The following RBFOX1 variants were observed in gnomAD, a reference collection of about 807,000 sequenced individuals.
The protein encoded by RBFOX1 is RNA binding fox-1 homolog 1.
RBFOX1 carries 8 observed loss-of-function variants against 57.7 expected under a neutral mutation model. The observed-to-expected ratio is 0.14, with a 90% CI of 0.08 to 0.25. RBFOX1 has a LOEUF of 0.25. RBFOX1 is among the 10% of genes least tolerant of loss of function. The pLI is 1.00. For synonymous variants in RBFOX1, 326 were observed against 222.4 expected (o/e 1.47, Z -4.15); for missense variants, 611 against 548.5 (o/e 1.11, Z -1.14).
At chr16:6,875,719 C>T (rs1305623760) in intron 3 of RBFOX1, among the ~76,000 whole-genome samples, 2 of 152,142 alleles carry the variant, frequency 1.3e-5, no homozygotes, top group Non-Finnish European at 2.9e-5. Flanking sequence ...TGAATCAGCG[C>T]CACATCTGGG....
chr16:5,865,591 A>T (rs2151894145), intron 3 of RBFOX1, among the ~76,000 whole-genome samples: 1 of 152,176 alleles, frequency 6.6e-6, no homozygotes, highest in Non-Finnish European at 1.5e-5. Flanking sequence ...AGTGTGGGAG[A>T]GTTGGTGCCA....
intron 4 of RBFOX1, among the ~76,000 whole-genome samples, chr16:7,455,080 G>C (rs10459843): frequency 4.6e-5 from 7 of 152,016 alleles, no homozygotes; most frequent in Middle Eastern, 3.2e-3. Flanking sequence ...CAACGGATTC[G>C]ATAGCAAACC....
intron 4 of RBFOX1, among the ~76,000 whole-genome samples, chr16:7,424,091 T>C (rs1362722576): frequency 6.6e-6 from 1 of 152,188 alleles, no homozygotes; most frequent in East Asian, 1.9e-4. Context: ...ATTCTGAGTC[T>C]CTTTTTTAAG....
intron 3 of RBFOX1, among the ~76,000 whole-genome samples, chr16:5,857,277 C>G (rs1337382424): frequency 6.6e-6 from 1 of 151,976 alleles, no homozygotes. Context: ...CACAGCACTC[C>G]AAAACAATTA....
At chr16:5,540,180 C>T (rs1347118361) in intron 2 of RBFOX1, among the ~76,000 whole-genome samples, 2 of 152,266 alleles carry the variant, frequency 1.3e-5, no homozygotes, top group South Asian at 2.1e-4. Context: ...GTCTTAGACA[C>T]CATGTGGCAC....
At chr16:7,707,003 A>G (rs1284563897) in intron 14 of RBFOX1, among the ~76,000 whole-genome samples, 1 of 152,190 alleles carries the variant, frequency 6.6e-6, no homozygotes, top group Non-Finnish European at 1.5e-5. Flanking sequence ...ATTTTTGATA[A>G]GAAGGACTGA....
intron 3 of RBFOX1, among the ~76,000 whole-genome samples, chr16:6,672,182 A>T (rs1018456254): frequency 3.3e-5 from 5 of 152,220 alleles, no homozygotes; most frequent in African/African-American, 1.2e-4. Context: ...TTTAGTTTCT[A>T]TTTATGAGCT....
intron 4 of RBFOX1, among the ~76,000 whole-genome samples, chr16:7,457,185 C>T (rs571495791): frequency 6.6e-6 from 1 of 152,164 alleles, no homozygotes; most frequent in South Asian, 2.1e-4. Flanking sequence ...CCGCGCCTGG[C>T]CTTGGGTATG....
intron 4 of RBFOX1, among the ~76,000 whole-genome samples, chr16:7,328,468 A>C (rs956892613): frequency 6.0e-5 from 7 of 117,126 alleles, no homozygotes; most frequent in African/African-American, 2.7e-4. Flanking sequence ...ACAGAGCGAG[A>C]CTCTGTCTCA....
intron 2 of RBFOX1, among the ~76,000 whole-genome samples, chr16:6,622,698 C>T (rs1184256852): frequency 6.6e-6 from 1 of 152,196 alleles, no homozygotes; most frequent in Non-Finnish European, 1.5e-5. Flanking sequence ...ATTTGTCCTT[C>T]TCTTTCCTCC....
intron 3 of RBFOX1, among the ~76,000 whole-genome samples, chr16:6,856,261 C>A (rs558925562): frequency 5.9e-5 from 9 of 152,248 alleles, no homozygotes; most frequent in African/African-American, 1.7e-4. Flanking sequence ...CTGCTCAGAT[C>A]TTTTTAGTAG....
intron 3 of RBFOX1, among the ~76,000 whole-genome samples, chr16:6,891,449 A>G (rs747706739): frequency 6.6e-6 from 1 of 152,054 alleles, no homozygotes. Flanking sequence ...TGATGAAGAC[A>G]CATACACACA....
chr16:7,140,230 T>A (rs369901858), intron 4 of RBFOX1, among the ~76,000 whole-genome samples: 1 of 144,214 alleles, frequency 6.9e-6, no homozygotes, highest in African/African-American at 2.5e-5. Context: ...ATTTTCTGAA[T>A]GGACAAATAA....
At chr16:7,549,861 C>G (rs570382886) in intron 5 of RBFOX1, among the ~76,000 whole-genome samples, 8 of 152,300 alleles carry the variant, frequency 5.3e-5, no homozygotes, top group African/African-American at 1.7e-4. Context: ...CACGCAGGAG[C>G]AGTACTTTGC....
chr16:6,095,258 G>A (rs1242944776), intron 1 of RBFOX1, among the ~76,000 whole-genome samples: 1 of 152,130 alleles, frequency 6.6e-6, no homozygotes, highest in Non-Finnish European at 1.5e-5. Context: ...TAACTTTGAG[G>A]GTGAATATAC....
chr16:6,665,835 C>T (rs988766682), intron 3 of RBFOX1, among the ~76,000 whole-genome samples: 4 of 151,742 alleles, frequency 2.6e-5, no homozygotes, highest in African/African-American at 7.3e-5. Context: ...AATATTTATC[C>T]CCATGTTACA....
intron 3 of RBFOX1, among the ~76,000 whole-genome samples, chr16:6,912,589 CTTGCTTTCT>C (rs1221953367): frequency 1.1e-3 from 170 of 149,320 alleles, no homozygotes; most frequent in South Asian, 4.4e-3. Flanking sequence ...TTCTTGCTTT[CTTGCTTTCT>C]TTTCTTGTGT....
At chr16:7,503,688 G>A (rs191366263) in intron 4 of RBFOX1, among the ~76,000 whole-genome samples, 7 of 152,284 alleles carry the variant, frequency 4.6e-5, no homozygotes, top group Admixed American at 2.6e-4. Flanking sequence ...GAGGCTTCCC[G>A]CATACCCAGG....
intron 4 of RBFOX1, among the ~76,000 whole-genome samples, chr16:7,137,439 T>C (rs1315787754): frequency 6.6e-6 from 1 of 152,170 alleles, no homozygotes; most frequent in African/African-American, 2.4e-5. Flanking sequence ...CTGATGGTTT[T>C]ATAAGGGGAA....
Sources: allele counts gnomAD v4.1 joint callset (sites outside exome capture counted in the v4.1 genomes callset), GRCh38; gene constraint gnomAD v4.1.1; transcripts MANE v1.5; gene names NCBI Gene and HGNC (gene_info 2026-07-23, HGNC 2026-07-21).